The following SLC24A3 variants were observed in gnomAD, a reference collection of about 807,000 sequenced individuals.
The protein encoded by SLC24A3 is solute carrier family 24 member 3.
Under a neutral mutation model 75.8 loss-of-function variants are expected in SLC24A3, and 28 were observed. That is an observed-to-expected ratio of 0.37 (90% CI 0.27 to 0.51). SLC24A3 has a LOEUF of 0.51. Among genes scored for constraint, SLC24A3 ranks in the 20% least tolerant of loss-of-function variants. The probability of loss-of-function intolerance (pLI) is 0.94; values close to 1 mark genes in which losing one functional copy is unlikely to be tolerated. For missense variants in SLC24A3, 663 were observed against 847.8 expected, an observed-to-expected ratio of 0.78 and a Z score of 2.71; for synonymous variants, 372 against 334.1, an observed-to-expected ratio of 1.11 and a Z score of -1.24.
intron 2 of SLC24A3, among the ~76,000 whole-genome samples, chr20:19,307,145 T>C (rs1332030162): frequency 1.3e-5 from 2 of 152,232 alleles, no homozygotes; most frequent in African/African-American, 4.8e-5. Flanking sequence ...CATTGATCAG[T>C]TGGATGAAAA....
At chr20:19,357,276 G>A (rs1471800495) in intron 2 of SLC24A3, among the ~76,000 whole-genome samples, 1 of 152,130 alleles carries the variant, frequency 6.6e-6, no homozygotes, top group Non-Finnish European at 1.5e-5. Context: ...GCATGGCTCT[G>A]CTGACACCTT....
At chr20:19,590,236 G>T (rs2031355815) in intron 6 of SLC24A3, among the ~76,000 whole-genome samples, 1 of 151,982 alleles carries the variant, frequency 6.6e-6, no homozygotes, top group African/African-American at 2.4e-5. Flanking sequence ...CTTATACTCA[G>T]ATGGCATCTC....
intron 6 of SLC24A3, among the ~76,000 whole-genome samples, chr20:19,643,796 C>G (rs1445955723): frequency 6.6e-6 from 1 of 152,114 alleles, no homozygotes; most frequent in African/African-American, 2.4e-5. Flanking sequence ...TTTTGGAGAC[C>G]AAGTACTATG....
At position 19,708,704 on chromosome 20, in the gene SLC24A3, A is replaced by G. The variant is rs2032956361; in HGVS notation, c.1720-8824A>G. ...GTCTCCTACAAACTATCCCCACAGGACCTAGATAGGTAACTTGGGGATAAT... is the reference window on the plus strand; with the variant it reads ...GTCTCCTACAAACTATCCCCACAGGGCCTAGATAGGTAACTTGGGGATAAT... On this transcript the variant is annotated intron_variant, in intron 15 of 16. Transcript: ENST00000328041. Among the ~76,000 whole-genome samples, 6 of 152,226 alleles carry G rather than the reference A, an allele frequency of 3.9e-5. No homozygotes were observed. The South Asian group carries it at 1.2e-3, about 32-fold the overall frequency.
chr20:19,264,536 G>A (rs1983099420), intron 1 of SLC24A3, among the ~76,000 whole-genome samples: 1 of 151,910 alleles, frequency 6.6e-6, no homozygotes, highest in South Asian at 2.1e-4. Flanking sequence ...ACCAGCCTGG[G>A]CAACACGGTG....
intron 3 of SLC24A3, among the ~76,000 whole-genome samples, chr20:19,518,078 A>G (rs898549942): frequency 7.2e-5 from 11 of 152,208 alleles, no homozygotes; most frequent in African/African-American, 2.7e-4. Context: ...TATTCTTTCT[A>G]TCCCCTTCAC....
At chr20:19,628,968 AC>A (rs2031900907) in intron 6 of SLC24A3, among the ~76,000 whole-genome samples, 1 of 152,156 alleles carries the variant, frequency 6.6e-6, no homozygotes. Context: ...ATACAAAACA[AC>A]AACAACAAAC....
chr20:19,341,442 T>G (rs1177420184), intron 2 of SLC24A3, among the ~76,000 whole-genome samples: 1 of 152,192 alleles, frequency 6.6e-6, no homozygotes, highest in African/African-American at 2.4e-5. Flanking sequence ...CCACTGTGCC[T>G]GTGGGGTGTG....
At chr20:19,275,433 C>A (rs906936819) in intron 1 of SLC24A3, among the ~76,000 whole-genome samples, 11 of 152,222 alleles carry the variant, frequency 7.2e-5, no homozygotes, top group African/African-American at 1.9e-4. Flanking sequence ...GGAGTTAAAC[C>A]TCTTATCAGA....
Position 19,451,447 on chromosome 20 carries a change from T to C in SLC24A3, c.272-64041T>C, listed in dbSNP as rs1568621738. On this transcript the variant is annotated intron_variant, in intron 2 of 16. Coordinates refer to ENST00000328041, the MANE Select transcript of SLC24A3 (RefSeq NM_020689.4). ...TCCATTCGTCATCATGTTGAGCCTC[T>C]GTAGCCCTTTGAGCGGAGCCAATCT... Among the ~76,000 whole-genome samples the C allele has an allele frequency of 2.6e-5, 4 of 152,236 alleles. No individual in the cohort carries two copies. In the South Asian group the frequency reaches 8.3e-4, roughly 31 times the overall value.
chr20:19,605,934 A>G (rs1253033858), intron 6 of SLC24A3, among the ~76,000 whole-genome samples: 2 of 152,176 alleles, frequency 1.3e-5, no homozygotes, highest in Non-Finnish European at 2.9e-5. Context: ...TCTGAAGCCA[A>G]TTCTGACACC....
chr20:19,247,058 A>G (rs1312843605), intron 1 of SLC24A3, among the ~76,000 whole-genome samples: 1 of 152,222 alleles, frequency 6.6e-6, no homozygotes, highest in Non-Finnish European at 1.5e-5. Flanking sequence ...ATTTCAACAT[A>G]AGAAGTACAT....
intron 6 of SLC24A3, among the ~76,000 whole-genome samples, chr20:19,619,315 G>C (rs1217533579): frequency 6.6e-6 from 1 of 152,120 alleles, no homozygotes; most frequent in Non-Finnish European, 1.5e-5. Context: ...CTACCTGAAG[G>C]CACCGTGCTG....
intron 2 of SLC24A3, among the ~76,000 whole-genome samples, chr20:19,487,432 A>G (rs1175090297): frequency 2.0e-5 from 3 of 152,088 alleles, no homozygotes; most frequent in Non-Finnish European, 4.4e-5. Context: ...CTTTTCCTGT[A>G]CCAGATCAGT....
At chr20:19,371,319 AGAGGGCAGGCCCTGG>A (rs984348206) in intron 2 of SLC24A3, among the ~76,000 whole-genome samples, 26 of 152,260 alleles carry the variant, frequency 1.7e-4, no homozygotes, top group Non-Finnish European at 3.1e-4. Flanking sequence ...GTGAGAGTGG[AGAGGGCAGGCCCTGG>A]GAGGGTAAAG....
chr20:19,689,337 G>A (rs759555795), intron 12 of SLC24A3, among the ~76,000 whole-genome samples: 31 of 152,100 alleles, frequency 2.0e-4, no homozygotes, highest in Non-Finnish European at 2.9e-4. Flanking sequence ...GCTGACTGAG[G>A]AACATAATTT....
At chr20:19,651,694 C>A (rs954308824) in intron 6 of SLC24A3, among the ~76,000 whole-genome samples, 2 of 151,802 alleles carry the variant, frequency 1.3e-5, no homozygotes, top group Non-Finnish European at 2.9e-5. Context: ...CCTGTCTCTA[C>A]TAAAAAATAC....
At chr20:19,591,413 G>A (rs1270176609) in intron 6 of SLC24A3, among the ~76,000 whole-genome samples, 1 of 151,966 alleles carries the variant, frequency 6.6e-6, no homozygotes, top group African/African-American at 2.4e-5. Context: ...GTGGACATCA[G>A]GTATGACTTG....
chr20:19,243,258 A>G (rs1045910641), intron 1 of SLC24A3, among the ~76,000 whole-genome samples: 5 of 152,258 alleles, frequency 3.3e-5, no homozygotes, highest in African/African-American at 1.2e-4. Context: ...TAACATTGGA[A>G]TAATGAGTCT....
Sources: gnomAD v4.1 joint callset for allele counts (sites outside exome capture counted in the v4.1 genomes callset) on GRCh38, gnomAD v4.1.1 for gene constraint, MANE v1.5 for transcripts, NCBI Gene and HGNC (gene_info 2026-07-23, HGNC 2026-07-21) for gene names.